Variants in CDYL2 observed in about 807,000 individuals in gnomAD.
CDYL2 encodes the protein chromodomain Y like 2, also known as chromodomain Y-like protein 2.
In CDYL2, 23 loss-of-function variants were observed where a neutral mutation model predicts 49.4. The ratio of observed to expected loss-of-function variants is 0.47; its 90% CI spans 0.34 to 0.66. The LOEUF (loss-of-function observed/expected upper bound fraction) is 0.66, where lower values mean the gene tolerates loss of function less well. Among genes scored for constraint, CDYL2 ranks in the 30% least tolerant of loss-of-function variants. The probability of loss-of-function intolerance (pLI) is 0.01; values close to 1 mark genes in which losing one functional copy is unlikely to be tolerated. For missense variants in CDYL2, 678 were observed against 656.4 expected (o/e 1.03, Z -0.36); for synonymous variants, 360 against 268.8 (o/e 1.34, Z -3.32).
At chr16:80,714,947 T>A (rs189500885) in intron 1 of CDYL2, among the ~76,000 whole-genome samples, 1 of 152,070 alleles carries the variant, frequency 6.6e-6, no homozygotes, top group African/African-American at 2.4e-5. Context: ...TAGGATGTAG[T>A]CAAAGCCTCA....
At chr16:80,687,570 C>G in intron 1 of CDYL2, among the ~76,000 whole-genome samples, 1 of 151,614 alleles carries the variant, frequency 6.6e-6, no homozygotes, top group East Asian at 1.9e-4. Context: ...GGCTGGCTGG[C>G]TGGATGGATG....
chr16:80,698,033 T>G (rs1243238559), intron 1 of CDYL2, among the ~76,000 whole-genome samples: 2 of 117,782 alleles, frequency 1.7e-5, no homozygotes, highest in East Asian at 4.2e-4. Context: ...TGCACAGAAA[T>G]AGAAAAAAAA....
At chr16:80,727,379 G>A (rs1007907941) in intron 1 of CDYL2, among the ~76,000 whole-genome samples, 5 of 152,222 alleles carry the variant, frequency 3.3e-5, no homozygotes, top group African/African-American at 9.6e-5. Context: ...CGAATACTGC[G>A]CTTTTCCGAG....
At chr16:80,770,046 T>C (rs945601755) in intron 1 of CDYL2, among the ~76,000 whole-genome samples, 1 of 152,062 alleles carries the variant, frequency 6.6e-6, no homozygotes, top group East Asian at 1.9e-4. Context: ...TTAGCAATGG[T>C]CACTGCAGAA....
chr16:80,617,697 C>T (rs1906894064), intron 4 of CDYL2, among the ~76,000 whole-genome samples: 1 of 152,244 alleles, frequency 6.6e-6, no homozygotes, highest in African/African-American at 2.4e-5. Flanking sequence ...GCCGCATCTT[C>T]TGCACTTCCA....
chr16:80,804,081 C>G, intron 1 of CDYL2, 69 bp downstream of exon 1: 2 of 959,676 alleles, frequency 2.1e-6, no homozygotes, highest in Non-Finnish European at 2.5e-6. Flanking sequence ...GCCCGGTCCC[C>G]GCCGCCCGCC....
intron 1 of CDYL2, among the ~76,000 whole-genome samples, chr16:80,788,203 C>A (rs1164200654): frequency 6.6e-6 from 1 of 152,206 alleles, no homozygotes; most frequent in Admixed American, 6.5e-5. Context: ...AGTCTTCTCA[C>A]TGCTAAAGTT....
intron 3 of CDYL2, 24 bp from the exon 4 acceptor site, chr16:80,620,959 G>A: frequency 6.4e-7 from 1 of 1,569,978 alleles, no homozygotes; most frequent in Non-Finnish European, 8.7e-7. Context: ...TGAATTTGCA[G>A]GGATGTTAAG....
intron 1 of CDYL2, among the ~76,000 whole-genome samples, chr16:80,800,655 G>A (rs1597139643): frequency 6.6e-6 from 1 of 151,978 alleles, no homozygotes; most frequent in African/African-American, 2.4e-5. Flanking sequence ...CCACCACCAA[G>A]AGGCCATGAG....
At chr16:80,628,462 A>G (rs1428849614) in intron 3 of CDYL2, 1 of 152,282 alleles carries the variant, frequency 6.6e-6, no homozygotes, top group African/African-American at 2.4e-5. Context: ...GATGCATCCA[A>G]CAACCACGTG....
rs539957628 is a variant in CDYL2 at position 80,612,069 on chromosome 16, G to A, written c.1218+557C>T. 7.2e-5 allele frequency among the ~76,000 whole-genome samples: 11 copies of A among 152,322 alleles called. No homozygotes were observed. The highest frequency in any genetic ancestry group is 6.2e-4 in the South Asian group (3 of 4,826). ...GGACATGCGCTGGGCTGCGTCTCCC[G>A]GCCTCCCTTGCAGGCGCATGTGACC... On this transcript the variant is annotated intron_variant, in intron 5 of 6. Coordinates refer to ENST00000570137, the MANE Select transcript of CDYL2 (RefSeq NM_152342.4). This position sits in a 1 kb window ranked among gnomAD's most constrained non-coding sequence, Gnocchi z 5.0.
chr16:80,730,146 A>G (rs1269214367), intron 1 of CDYL2, among the ~76,000 whole-genome samples: 1 of 152,222 alleles, frequency 6.6e-6, no homozygotes, highest in Non-Finnish European at 1.5e-5. Context: ...CCCTTCAAAA[A>G]ATTAATGAAT....
At chr16:80,654,371 G>C (rs1055953156) in intron 2 of CDYL2, among the ~76,000 whole-genome samples, 5 of 152,186 alleles carry the variant, frequency 3.3e-5, no homozygotes, top group African/African-American at 1.2e-4. Context: ...ATTTAAAGAA[G>C]CAGCACACAG....
At chr16:80,701,651 G>T (rs1466842357) in intron 1 of CDYL2, among the ~76,000 whole-genome samples, 1 of 152,176 alleles carries the variant, frequency 6.6e-6, no homozygotes, top group East Asian at 1.9e-4. Context: ...TTAAAGGGCT[G>T]AAATGAATGG....
intron 4 of CDYL2, among the ~76,000 whole-genome samples, chr16:80,615,701 C>T (rs1187791739): frequency 6.6e-6 from 1 of 152,128 alleles, no homozygotes; most frequent in Non-Finnish European, 1.5e-5. Context: ...TGTTTTCCAA[C>T]CTGAGATCCA....
At chr16:80,692,307 C>G (rs1238262010) in intron 1 of CDYL2, among the ~76,000 whole-genome samples, 1 of 152,152 alleles carries the variant, frequency 6.6e-6, no homozygotes, top group African/African-American at 2.4e-5. Context: ...ATCCAAAAAT[C>G]AGGCCAACTT....
intron 2 of CDYL2, chr16:80,639,806 G>A: frequency 2.2e-6 from 1 of 444,994 alleles, no homozygotes; most frequent in Non-Finnish European, 4.5e-6. Flanking sequence ...GTGCACTGTG[G>A]AAAGGGAGAG....
intron 1 of CDYL2, among the ~76,000 whole-genome samples, chr16:80,756,883 T>C (rs183411315): frequency 6.0e-4 from 91 of 152,170 alleles, no homozygotes; most frequent in African/African-American, 1.8e-3. Flanking sequence ...ACACATGATT[T>C]CATTAATTTT....
rs79817642 is a variant in CDYL2, at chr16:80,690,907, T to C, written c.25-5778A>G. ...ACAGATTCCCACCAAACCAGCACAA[T>C]GTATAAAATTACAATTGCTCTGGAA... On this transcript the variant is annotated intron_variant, in intron 1 of 6. Transcript: ENST00000570137. 5.8e-3 allele frequency among the ~76,000 whole-genome samples: 887 copies of C among 152,262 alleles called. 10 individuals carry two copies. The highest frequency in any genetic ancestry group is 0.021 in the African/African-American group (859 of 41,552).
Sources: allele counts gnomAD v4.1 joint callset (sites outside exome capture counted in the v4.1 genomes callset), GRCh38; gene constraint gnomAD v4.1.1; non-coding constraint Gnocchi (gnomAD v3.1); transcripts MANE v1.5; gene names NCBI Gene and HGNC (gene_info 2026-07-23, HGNC 2026-07-21).